Variants in TMEM132D observed in about 807,000 individuals in gnomAD.
TMEM132D encodes transmembrane protein 132D, also known as mature OL transmembrane protein.
In TMEM132D, 21 loss-of-function variants were observed where a neutral mutation model predicts 62.3. The ratio of observed to expected loss-of-function variants is 0.34; its 90% CI spans 0.24 to 0.49. The LOEUF (loss-of-function observed/expected upper bound fraction) is 0.49, where lower values mean the gene tolerates loss of function less well. TMEM132D is among the 20% of genes least tolerant of loss of function. TMEM132D has a pLI of 0.99. For synonymous variants in TMEM132D, 621 were observed against 575.6 expected (o/e 1.08, Z -1.13); for missense variants, 1,346 against 1,402.8 (o/e 0.96, Z 0.65).
chr12:129,209,410 T>G, intron 5 of TMEM132D, 110 bp downstream of exon 5: 1 of 1,336,646 alleles, frequency 7.5e-7, no homozygotes, highest in Non-Finnish European at 1.0e-6. Flanking sequence ...ATGGGAGGGA[T>G]CCTGTGGGAC....
intron 3 of TMEM132D, among the ~76,000 whole-genome samples, chr12:129,425,021 G>A (rs1872452876): frequency 6.6e-6 from 1 of 152,120 alleles, no homozygotes. Context: ...TTCTGGACAT[G>A]CGGTCTCTGG....
rs199598748 is a variant in TMEM132D at position 129,780,348 on chromosome 12, G to C, written c.80-79650C>G. Among the ~76,000 whole-genome samples, 615 of 136,232 alleles carry C rather than the reference G, an allele frequency of 4.5e-3. 1 individual carries two copies. Among genetic ancestry groups the C allele is most frequent in the African/African-American group, 0.011 (401 of 37,044 alleles). The allele number at this position is 136,232 out of a possible 152,430, so 89.4% of individuals were successfully genotyped here. On this transcript the variant is annotated intron_variant, in intron 1 of 8. Coordinates refer to ENST00000422113, the MANE Select transcript of TMEM132D (RefSeq NM_133448.3). ...GAATTTGTTGGTGGGGAGGGGGGGG[G>C]CCGGGGGGGCACAAAATGTTTTTAA...
chr12:129,466,047 T>C (rs1261146109), intron 3 of TMEM132D, among the ~76,000 whole-genome samples: 3 of 152,148 alleles, frequency 2.0e-5, no homozygotes, highest in Non-Finnish European at 4.4e-5. Context: ...ATGTAAAGGG[T>C]GTTTGAGACA....
rs1044065513 is a variant in TMEM132D, at chr12:129,371,136, A to G, written c.1116-33319T>C. Among the ~76,000 whole-genome samples, 2 of 152,226 alleles carry G rather than the reference A, an allele frequency of 1.3e-5. No homozygotes were observed. The highest frequency in any genetic ancestry group is 2.9e-5 in the Non-Finnish European group (2 of 68,036). Reference sequence around the variant, plus strand: ...TGTAGGTACCACCAAAATATGTACAACTATGACAAATCAATAAAAAAGTAC... The same window carrying G: ...TGTAGGTACCACCAAAATATGTACAGCTATGACAAATCAATAAAAAAGTAC... On this transcript the variant is annotated intron_variant, in intron 3 of 8. Coordinates refer to ENST00000422113, the MANE Select transcript of TMEM132D (RefSeq NM_133448.3). The surrounding 1 kb of genome is among the most constrained non-coding windows in gnomAD (Gnocchi z 4.3).
rs2137227027 is a variant in TMEM132D, at chr12:129,700,361, G to A, written c.417C>T (p.Tyr139=). The A allele has an allele frequency of 6.2e-7, 1 of 1,614,066 alleles. No homozygotes were observed. Among genetic ancestry groups the A allele is most frequent in the Non-Finnish European group, 8.5e-7 (1 of 1,180,046 alleles). ...GAACCTGCACTTTGGGCCGGCTCAG[G>A]TAGACTTTGTCCCGCAGGATGTGGG... ...LKAHILRDKV[Y]LSRPKVQVLF... Residue 139 remains tyrosine (Y), a synonymous_variant, in exon 2 of 9, where the codon TAC becomes TAT. Transcript: ENST00000422113.
chr12:129,117,207 A>G (rs887428876), intron 5 of TMEM132D, among the ~76,000 whole-genome samples: 1 of 152,102 alleles, frequency 6.6e-6, no homozygotes, highest in African/African-American at 2.4e-5. Flanking sequence ...ATTCTGTATG[A>G]CATTCTGGAA....
rs539179769 is a variant in TMEM132D, at chr12:129,683,808, C to T, written c.968+16002G>A. ...CTCACCAAACACACATCTATCCTTG[C>T]CCACTCGAATCTGCAGACCAGAATT... On this transcript the variant is annotated intron_variant, in intron 2 of 8. Coordinates refer to ENST00000422113, the MANE Select transcript of TMEM132D (RefSeq NM_133448.3). Among the ~76,000 whole-genome samples the T allele has an allele frequency of 1.2e-4, 18 of 152,308 alleles. No individual in the cohort carries two copies. In the South Asian group the frequency reaches 2.7e-3, roughly 23 times the overall value.
At chr12:129,524,713 T>C (rs1298437646) in intron 3 of TMEM132D, among the ~76,000 whole-genome samples, 8 of 151,474 alleles carry the variant, frequency 5.3e-5, no homozygotes, top group African/African-American at 1.7e-4. Flanking sequence ...TACTGACAAA[T>C]ATATCTCTAA....
intron 2 of TMEM132D, among the ~76,000 whole-genome samples, chr12:129,573,402 T>C (rs987408584): frequency 6.6e-6 from 1 of 152,122 alleles, no homozygotes; most frequent in Non-Finnish European, 1.5e-5. Context: ...TGCTTATCAT[T>C]TCATCTTAGC....
At chr12:129,596,441 T>C (rs925218133) in intron 2 of TMEM132D, among the ~76,000 whole-genome samples, 1 of 152,220 alleles carries the variant, frequency 6.6e-6, no homozygotes, top group Non-Finnish European at 1.5e-5. Flanking sequence ...GCATTTTTTA[T>C]ATACAGTTGT....
intron 3 of TMEM132D, among the ~76,000 whole-genome samples, chr12:129,502,581 T>C (rs1875186735): frequency 6.6e-6 from 1 of 152,090 alleles, no homozygotes; most frequent in African/African-American, 2.4e-5. Context: ...CCACCTCTCT[T>C]TTAATTTGTC....
intron 2 of TMEM132D, among the ~76,000 whole-genome samples, chr12:129,553,334 G>GC (rs1876954518): frequency 1.3e-5 from 2 of 152,226 alleles, no homozygotes; most frequent in South Asian, 4.2e-4. Context: ...CCTTTCCCCT[G>GC]CCCCCTCACT....
At chr12:129,284,610 A>G (rs116503470) in intron 4 of TMEM132D, among the ~76,000 whole-genome samples, 1,721 of 152,376 alleles carry the variant, frequency 0.011, 31 homozygotes, top group African/African-American at 0.039. Flanking sequence ...AAACACATGT[A>G]AACATATGTT....
At chr12:129,421,111 G>A (rs574562062) in intron 3 of TMEM132D, among the ~76,000 whole-genome samples, 10 of 151,892 alleles carry the variant, frequency 6.6e-5, no homozygotes, top group South Asian at 6.3e-4. Flanking sequence ...ACAAGCTCCC[G>A]CCATCACACC....
chr12:129,676,821 T>A (rs531883010), intron 2 of TMEM132D, among the ~76,000 whole-genome samples: 5 of 151,532 alleles, frequency 3.3e-5, no homozygotes, highest in African/African-American at 1.2e-4. Context: ...CTATCTATGT[T>A]TATCATCTAT....
chr12:129,133,979 C>T (rs1453029721), intron 5 of TMEM132D, among the ~76,000 whole-genome samples: 1 of 152,124 alleles, frequency 6.6e-6, no homozygotes, highest in Non-Finnish European at 1.5e-5. Flanking sequence ...GAGCAAGAAG[C>T]TGGCATGTAG....
At position 129,072,037 on chromosome 12, in the gene TMEM132D, G is replaced by A. The variant is rs1390142981; in HGVS notation, c.*1838C>T. The stretch of plus-strand genomic sequence containing the variant: ...AGAGCACCACAGTTGCAGGGGAGAG[G>A]GCTAAGGTTGGGAGGGTAAACTGGT... On this transcript the variant is annotated 3_prime_UTR_variant, in exon 9 of 9. Coordinates refer to ENST00000422113, the MANE Select transcript of TMEM132D (RefSeq NM_133448.3). 2.0e-5 allele frequency: 3 copies of A among 152,248 alleles called. No individual in the cohort carries two copies. In the East Asian group the frequency reaches 5.8e-4, roughly 29 times the overall value. The allele number at this position is 152,248 out of a possible 1,614,324, so 9.4% of individuals were successfully genotyped here. A position where few individuals can be genotyped will look rare whatever the true frequency, so the allele number is the denominator to read the frequency against.
At chr12:129,718,618 A>G (rs1174709408) in intron 1 of TMEM132D, among the ~76,000 whole-genome samples, 1 of 152,120 alleles carries the variant, frequency 6.6e-6, no homozygotes, top group African/African-American at 2.4e-5. Flanking sequence ...GTTTTTGCAA[A>G]TGTCAGACAC....
intron 2 of TMEM132D, among the ~76,000 whole-genome samples, chr12:129,600,955 G>T (rs1223861035): frequency 1.3e-5 from 2 of 152,122 alleles, no homozygotes; most frequent in African/African-American, 2.4e-5. Context: ...CCAACAACAA[G>T]GAAGTCAGCC....
Sources: allele counts gnomAD v4.1 joint callset (sites outside exome capture counted in the v4.1 genomes callset), GRCh38; gene constraint gnomAD v4.1.1; non-coding constraint Gnocchi (gnomAD v3.1); transcripts MANE v1.5; gene names NCBI Gene and HGNC (gene_info 2026-07-23, HGNC 2026-07-21).